RIMS2: variants seen among roughly 807,000 people sequenced by gnomAD.
RIMS2 encodes the protein regulating synaptic membrane exocytosis protein 2.
A neutral mutation model predicts 174.4 loss-of-function variants in RIMS2; 59 were observed. That is an observed-to-expected ratio of 0.34 (90% CI 0.27 to 0.42). The LOEUF is 0.42. Among genes scored for constraint, RIMS2 ranks in the 10% least tolerant of loss-of-function variants. The pLI, the probability that RIMS2 is intolerant of heterozygous loss-of-function variation, is 1.00. For missense variants in RIMS2, 1,620 were observed against 1,666.3 expected (o/e 0.97, Z 0.48); for synonymous variants, 606 against 572.5 (o/e 1.06, Z -0.84).
At chr8:103,741,132 A>C (rs1049081497) in intron 2 of RIMS2, among the ~76,000 whole-genome samples, 1 of 152,060 alleles carries the variant, frequency 6.6e-6, no homozygotes, top group Non-Finnish European at 1.5e-5. Context: ...TTTGATTACA[A>C]ATAATTAAAT....
chr8:104,150,455 A>C (rs186297822), intron 19 of RIMS2, among the ~76,000 whole-genome samples: 1 of 152,188 alleles, frequency 6.6e-6, no homozygotes, highest in East Asian at 1.9e-4. Flanking sequence ...TGGTGAATCT[A>C]GAGTTACACA....
chr8:103,623,829 A>G (rs980375672), intron 1 of RIMS2, among the ~76,000 whole-genome samples: 4 of 151,662 alleles, frequency 2.6e-5, no homozygotes, highest in African/African-American at 7.3e-5. Context: ...ACTAGAGGTC[A>G]TCAAGTATCA....
chr8:104,191,707 A>C (rs1474624412), intron 19 of RIMS2, among the ~76,000 whole-genome samples: 1 of 152,176 alleles, frequency 6.6e-6, no homozygotes. Context: ...AAATAGCACA[A>C]TGAAAATTTG....
intron 1 of RIMS2, among the ~76,000 whole-genome samples, chr8:103,523,765 T>C (rs1832775183): frequency 6.6e-6 from 1 of 152,122 alleles, no homozygotes; most frequent in African/African-American, 2.4e-5. Context: ...CCAAGACTTG[T>C]GATTTTTTTT....
chr8:104,058,935 T>C lies in RIMS2; in HGVS notation c.3334+44320T>C, dbSNP rs1457246077. On this transcript the variant is annotated intron_variant, in intron 19 of 23. Transcript: ENST00000504942. ...TCTGTTGCATTGGTCTATATCTCTG[T>C]TTTGGTATCAGTACCATGCTGTTTT... 7.2e-5 allele frequency among the ~76,000 whole-genome samples: 11 copies of C among 152,194 alleles called. No individual in the cohort carries two copies. The East Asian group carries it at 2.1e-3, about 29-fold the overall frequency.
intron 19 of RIMS2, among the ~76,000 whole-genome samples, chr8:104,114,615 G>A (rs747980520): frequency 4.0e-5 from 6 of 151,708 alleles, no homozygotes; most frequent in Non-Finnish European, 7.4e-5. Context: ...AAATTTGTTC[G>A]TAAATGTTAA....
At chr8:103,871,449 A>ATT (rs202075468) in intron 3 of RIMS2, among the ~76,000 whole-genome samples, 1 of 151,426 alleles carries the variant, frequency 6.6e-6, no homozygotes, top group African/African-American at 2.4e-5. Flanking sequence ...ATCTAGTATA[A>ATT]TTTTTTTTTG....
chr8:104,209,946 T>A (rs2099098176), intron 19 of RIMS2, among the ~76,000 whole-genome samples: 2 of 152,200 alleles, frequency 1.3e-5, no homozygotes, highest in East Asian at 1.9e-4. Flanking sequence ...AAGAAACCAT[T>A]TTAGGCTGAG....
chr8:103,633,211 A>AT (rs1239169035), intron 1 of RIMS2, among the ~76,000 whole-genome samples: 7 of 102,722 alleles, frequency 6.8e-5, no homozygotes, highest in Non-Finnish European at 1.3e-4. Flanking sequence ...TTTTTTTTGT[A>AT]TTTTTTTGTA....
chr8:104,020,263 C>T (rs761503119), intron 19 of RIMS2, among the ~76,000 whole-genome samples: 1 of 151,804 alleles, frequency 6.6e-6, no homozygotes. Flanking sequence ...TCATTAATCA[C>T]TATTGTCTAT....
At chr8:103,900,500 G>C (rs2099322567) in intron 4 of RIMS2, among the ~76,000 whole-genome samples, 1 of 152,108 alleles carries the variant, frequency 6.6e-6, no homozygotes, top group South Asian at 2.1e-4. Context: ...TGAATACCAA[G>C]TATGTCTATA....
intron 3 of RIMS2, among the ~76,000 whole-genome samples, chr8:103,832,694 G>T (rs1446477627): frequency 6.6e-6 from 1 of 152,154 alleles, no homozygotes; most frequent in Admixed American, 6.5e-5. Flanking sequence ...GCTCATACAT[G>T]TCCCTGCAAT....
At chr8:104,062,491 A>G (rs2097019123) in intron 19 of RIMS2, among the ~76,000 whole-genome samples, 1 of 152,224 alleles carries the variant, frequency 6.6e-6, no homozygotes, top group East Asian at 1.9e-4. Context: ...AGTTATGAGA[A>G]AATATTACAC....
rs369330880 is a variant in RIMS2, at chr8:103,587,610, C to T, written c.176+86548C>T. ...TCCCTGGAATGCAAGGATGGCTCAA[C>T]GTACACAAATCAGTGTGATACCTCA... On this transcript the variant is annotated intron_variant, in intron 1 of 23. Coordinates refer to ENST00000504942, the Ensembl canonical transcript of RIMS2. Among the ~76,000 whole-genome samples the T allele has an allele frequency of 4.6e-5, 7 of 151,968 alleles. No individual in the cohort carries two copies. In the South Asian group the frequency reaches 8.3e-4, roughly 18 times the overall value.
At chr8:103,791,898 C>T (rs1263866837) in intron 3 of RIMS2, among the ~76,000 whole-genome samples, 4 of 152,130 alleles carry the variant, frequency 2.6e-5, no homozygotes, top group African/African-American at 7.2e-5. Flanking sequence ...ATACTCAATA[C>T]AGGATCGCCC....
chr8:103,542,828 T>C (rs1011368844), intron 1 of RIMS2, among the ~76,000 whole-genome samples: 1 of 152,168 alleles, frequency 6.6e-6, no homozygotes, highest in Non-Finnish European at 1.5e-5. Context: ...CATCCATTCA[T>C]GATAAATAAA....
rs891296624 is a variant in RIMS2, at chr8:103,931,475, T to C, written c.2375+82T>C. The C allele has an allele frequency of 8.4e-6, 8 of 957,340 alleles. No individual in the cohort carries two copies. The East Asian group carries it at 1.5e-4, about 19-fold the overall frequency. The allele number at this position is 957,340 out of a possible 1,614,324, so 59.3% of individuals were successfully genotyped here. A position where few individuals can be genotyped will look rare whatever the true frequency, so the allele number is the denominator to read the frequency against. ...CAATGGGTATTTCAATTCTGTATCA[T>C]TTATTGGTATCATACTAGTGAGATA... On this transcript the variant is annotated intron_variant, in intron 12 of 23. Transcript: ENST00000504942.
At chr8:104,100,835 TAA>T (rs1451927882) in intron 19 of RIMS2, among the ~76,000 whole-genome samples, 2 of 141,036 alleles carry the variant, frequency 1.4e-5, no homozygotes, top group African/African-American at 5.2e-5. Flanking sequence ...ATGTAATATA[TAA>T]TATATATGTA....
intron 1 of RIMS2, among the ~76,000 whole-genome samples, chr8:103,615,258 C>G (rs1005819169): frequency 6.6e-6 from 1 of 152,096 alleles, no homozygotes; most frequent in Non-Finnish European, 1.5e-5. Flanking sequence ...GGAAATTAAA[C>G]AACATGCTCC....
Sources: gnomAD v4.1 joint callset for allele counts (sites outside exome capture counted in the v4.1 genomes callset) on GRCh38, gnomAD v4.1.1 for gene constraint, MANE v1.5 for transcripts, NCBI Gene and HGNC (gene_info 2026-07-23, HGNC 2026-07-21) for gene names.